TDRD7: variants seen among roughly 807,000 people sequenced by gnomAD.
TDRD7 encodes tudor domain containing 7.
A neutral mutation model predicts 109.8 loss-of-function variants in TDRD7; 47 were observed. That is an observed-to-expected ratio of 0.43 (90% confidence interval 0.34 to 0.55). The LOEUF is 0.55. Ranked by LOEUF, TDRD7 falls within the 20% of genes least tolerant of loss-of-function variation. TDRD7 has a pLI of 0.03. For missense variants in TDRD7, 1,164 were observed against 1,319.2 expected (o/e 0.88, Z 1.82); for synonymous variants, 424 against 457.3 (o/e 0.93, Z 0.93).
Position 97,482,863 on chromosome 9 carries a change from T to G in TDRD7, c.2427T>G (p.Asp809Glu). 6.2e-7 allele frequency: 1 copy of G among 1,614,064 alleles called. No homozygotes were observed. The change falls in exon 15 of 17, where the codon GAT becomes GAG. Residue 809 changes from aspartate (D) to glutamate (E), a missense_variant. Around this residue, in one of 5 missense-constraint regions of TDRD7, gnomAD observed 233 missense variants for 218.0 expected, o/e 1.07. Coordinates refer to ENST00000355295, the MANE Select transcript of TDRD7 (RefSeq NM_014290.3). ...GTTTTCCAAAGGTTACAAAAGTGGATGAAACCAGAGGGATCGCACATGTTT... is the reference window on the plus strand; with the variant it reads ...GTTTTCCAAAGGTTACAAAAGTGGAGGAAACCAGAGGGATCGCACATGTTT... ...SDCSIKVTKV[D>E]ETRGIAHVYL...
At chr9:97,490,601 T>A (rs1175622883) in intron 16 of TDRD7, among the ~76,000 whole-genome samples, 1 of 150,434 alleles carries the variant, frequency 6.6e-6, no homozygotes, top group Non-Finnish European at 1.5e-5. Flanking sequence ...CCTAGATCAA[T>A]GATTTAGTGT....
chr9:97,469,766 G>A (rs1307872081), intron 8 of TDRD7, among the ~76,000 whole-genome samples: 1 of 152,050 alleles, frequency 6.6e-6, no homozygotes, highest in Non-Finnish European at 1.5e-5. Context: ...AAGGCTTTGT[G>A]TTTATATAAT....
At chr9:97,457,387 T>TA (rs564613809) in intron 6 of TDRD7, among the ~76,000 whole-genome samples, 159 of 151,110 alleles carry the variant, frequency 1.1e-3, no homozygotes, top group Middle Eastern at 3.4e-3. Context: ...TATATATATA[T>TA]TTTTTTTTTG....
intron 14 of TDRD7, among the ~76,000 whole-genome samples, chr9:97,481,596 A>C (rs931291122): frequency 1.2e-4 from 19 of 152,190 alleles, no homozygotes; most frequent in African/African-American, 4.3e-4. Context: ...GAAGACCTCT[A>C]AATTATTCTA....
chr9:97,434,774 A>G lies in TDRD7; in HGVS notation c.563+2536A>G, dbSNP rs562633839. 1.1e-4 allele frequency among the ~76,000 whole-genome samples: 16 copies of G among 152,256 alleles called. No individual in the cohort carries two copies. The South Asian group carries it at 1.5e-3, about 14-fold the overall frequency. ...TAGCCAAAAAATAGAAACAACCCAG[A>G]CATCCTTTGGTAAGTGAATGGTTCA... On this transcript the variant is annotated intron_variant, in intron 4 of 16. Transcript: ENST00000355295.
At chr9:97,413,717 G>A (rs1355725196) in intron 1 of TDRD7, among the ~76,000 whole-genome samples, 1 of 152,232 alleles carries the variant, frequency 6.6e-6, no homozygotes, top group Non-Finnish European at 1.5e-5. Flanking sequence ...CATCTCCTGT[G>A]CCCCAATCCA....
At position 97,460,238 on chromosome 9, in the gene TDRD7, C is replaced by G. The variant is rs755067591; in HGVS notation, c.916C>G (p.Leu306Val). The change falls in exon 7 of 17, where the codon CTT becomes GTT. Residue 306 changes from leucine (L) to valine (V), a missense_variant. This residue lies in a region of TDRD7 where 407 missense variants were observed against 394.0 expected (regional missense o/e 1.03). Coordinates refer to ENST00000355295, the MANE Select transcript of TDRD7 (RefSeq NM_014290.3). ...LLLYPAKRKQ[L>V]LRSELDTEKV... ...TCTTTATCCAGCTAAGAGAAAGCAG[C>G]TTTTGAGAAGTGAACTGGATACTGA... is the stretch of plus-strand genomic sequence containing the variant. The G allele has an allele frequency of 2.5e-6, 4 of 1,614,114 alleles. No individual in the cohort carries two copies. The African/African-American group carries it at 5.3e-5, about 22-fold the overall frequency.
chr9:97,425,014 A>T (rs917811388), intron 1 of TDRD7, among the ~76,000 whole-genome samples: 2 of 152,052 alleles, frequency 1.3e-5, no homozygotes, highest in Non-Finnish European at 2.9e-5. Context: ...CAGCTTTCAA[A>T]TGACACTACA....
chr9:97,417,199 C>T (rs1827825294), intron 1 of TDRD7, among the ~76,000 whole-genome samples: 2 of 151,986 alleles, frequency 1.3e-5, no homozygotes, highest in African/African-American at 4.8e-5. Flanking sequence ...GCATGGAGCC[C>T]AGGATGGGTG....
At chr9:97,417,832 AAAG>A (rs1359150303) in intron 1 of TDRD7, among the ~76,000 whole-genome samples, 2 of 152,244 alleles carry the variant, frequency 1.3e-5, no homozygotes, top group African/African-American at 4.8e-5. Flanking sequence ...TGTGCATTAA[AAAG>A]GGGGTGAAAG....
At chr9:97,446,459 A>G (rs1278550834) in intron 6 of TDRD7, among the ~76,000 whole-genome samples, 1 of 152,192 alleles carries the variant, frequency 6.6e-6, no homozygotes, top group Non-Finnish European at 1.5e-5. Flanking sequence ...TAGAACATAA[A>G]ATGTTGTGAA....
intron 4 of TDRD7, among the ~76,000 whole-genome samples, chr9:97,433,265 A>G (rs529128839): frequency 6.6e-6 from 1 of 152,008 alleles, no homozygotes; most frequent in South Asian, 2.1e-4. Flanking sequence ...TTTATATTAC[A>G]GAATTTTTAA....
At chr9:97,413,081 C>A (rs1364200892) in intron 1 of TDRD7, among the ~76,000 whole-genome samples, 2 of 152,194 alleles carry the variant, frequency 1.3e-5, no homozygotes, top group Non-Finnish European at 2.9e-5. Flanking sequence ...CCCATCCAAA[C>A]CAAACCAAAC....
At chr9:97,468,738 G>A (rs761625907) in intron 8 of TDRD7, among the ~76,000 whole-genome samples, 9 of 152,226 alleles carry the variant, frequency 5.9e-5, no homozygotes, top group Non-Finnish European at 1.0e-4. Flanking sequence ...CATCCCAGGG[G>A]AGTCTGCTGG....
intron 6 of TDRD7, among the ~76,000 whole-genome samples, chr9:97,448,054 G>C (rs145294218): frequency 1.5e-3 from 221 of 152,258 alleles, no homozygotes; most frequent in African/African-American, 5.2e-3. Context: ...GCAGAGAAGA[G>C]TTTCTCTAAG....
Position 97,432,232 on chromosome 9 carries a change from A to G in TDRD7, c.557A>G (p.Asn186Ser). The G allele has an allele frequency of 6.2e-7, 1 of 1,613,656 alleles. No individual in the cohort carries two copies. The highest frequency in any genetic ancestry group is 8.5e-7 in the Non-Finnish European group (1 of 1,179,654). The change falls in exon 4 of 17, where the codon AAC (asparagine) becomes AGC (serine). Residue 186 changes from asparagine (N) to serine (S), a missense_variant. Asn to Ser is a conservative substitution (Grantham distance 46, BLOSUM62 1). Transcript: ENST00000355295. ...PVQRHVTMST[N>S]NRFSPKASLQ... ...CAAAGGCATGTGACCATGTCCACCAACAACAGGTATTTGGCCTCTGACTCA... is the reference window on the plus strand; with the variant it reads ...CAAAGGCATGTGACCATGTCCACCAGCAACAGGTATTTGGCCTCTGACTCA...
At position 97,483,209 on chromosome 9, in the gene TDRD7, G is replaced by C; in HGVS notation, c.2773G>C (p.Gly925Arg). 3 of 1,613,358 alleles carry C rather than the reference G, an allele frequency of 1.9e-6. No individual in the cohort carries two copies. The highest frequency in any genetic ancestry group is 2.5e-6 in the Non-Finnish European group (3 of 1,179,412). Reference protein sequence around the residue: ...DVYVPVACHPGYFVIQPWQEI... With the variant: ...DVYVPVACHPRYFVIQPWQEI... ...GTATGTGCCTGTGGCCTGTCACCCA[G>C]GCTACTTCGTCATCCAGCCTTGGCA... The change falls in exon 15 of 17, where the codon GGC becomes CGC. Residue 925 changes from glycine (G) to arginine (R), a missense_variant. Around this residue, in one of 5 missense-constraint regions of TDRD7, gnomAD observed 162 missense variants for 222.5 expected, o/e 0.73. Coordinates refer to ENST00000355295, the MANE Select transcript of TDRD7 (RefSeq NM_014290.3).
chr9:97,443,444 T>C lies in TDRD7; in HGVS notation c.855+1569T>C, dbSNP rs377538153. 3.7e-4 allele frequency among the ~76,000 whole-genome samples: 56 copies of C among 152,376 alleles called. No individual in the cohort carries two copies. In the East Asian group the frequency reaches 5.8e-3, roughly 16 times the overall value. On this transcript the variant is annotated intron_variant, in intron 6 of 16. Transcript: ENST00000355295. ...TCGTAAGAATGTGACCTCTGATTTATGTGGAATATAGGGTTAGTTCTCCTA... is the reference window on the plus strand; with the variant it reads ...TCGTAAGAATGTGACCTCTGATTTACGTGGAATATAGGGTTAGTTCTCCTA...
chr9:97,472,215 A>G (rs1828929337), intron 9 of TDRD7, 78 bp from the exon 10 acceptor site: 2 of 1,316,940 alleles, frequency 1.5e-6, no homozygotes, highest in Admixed American at 3.4e-5. Flanking sequence ...ATAATGGTCA[A>G]AACAGACACA....
Sources: gnomAD v4.1 joint callset for allele counts (sites outside exome capture counted in the v4.1 genomes callset) on GRCh38, gnomAD v4.1.1 for gene constraint, gnomAD v4.1.1 regional missense constraint, MANE v1.5 for transcripts, NCBI Gene and HGNC (gene_info 2026-07-23, HGNC 2026-07-21) for gene names.